TMEM132D: variants seen among roughly 807,000 people sequenced by gnomAD.
The protein encoded by TMEM132D is transmembrane protein 132D, also known as mature OL transmembrane protein.
Under a neutral mutation model 62.3 loss-of-function variants are expected in TMEM132D, and 21 were observed. The observed-to-expected ratio is 0.34, with a 90% CI of 0.24 to 0.49. TMEM132D has a LOEUF of 0.49. TMEM132D is among the 20% of genes least tolerant of loss of function. TMEM132D has a pLI of 0.99. For missense variants in TMEM132D, 1,346 were observed against 1,402.8 expected, an observed-to-expected ratio of 0.96 and a Z score of 0.65; for synonymous variants, 621 against 575.6, an observed-to-expected ratio of 1.08 and a Z score of -1.13.
At chr12:129,347,657 C>T (rs1343907906) in intron 3 of TMEM132D, among the ~76,000 whole-genome samples, 1 of 152,192 alleles carries the variant, frequency 6.6e-6, no homozygotes, top group African/African-American at 2.4e-5. Context: ...TAGGCAAAGA[C>T]TTCATGACTA....
At chr12:129,386,116 C>A (rs549046605) in intron 3 of TMEM132D, among the ~76,000 whole-genome samples, 2 of 152,248 alleles carry the variant, frequency 1.3e-5, no homozygotes, top group South Asian at 4.2e-4. Context: ...GCAGCATACA[C>A]CCTTGATCTC....
intron 3 of TMEM132D, among the ~76,000 whole-genome samples, chr12:129,444,589 T>C (rs149561393): frequency 1.8e-4 from 27 of 152,296 alleles, no homozygotes; most frequent in African/African-American, 6.5e-4. Flanking sequence ...ATGCATTAGC[T>C]ATTTTTCCTG....
rs150550863 is a variant in TMEM132D at position 129,605,604 on chromosome 12, T to TATATATATATATACACAC, written c.969-74400_969-74399insGTGTGTATATATATATAT. Among the ~76,000 whole-genome samples the TATATATATATATACACAC allele has an allele frequency of 8.5e-5, 9 of 106,272 alleles. 1 individual carries two copies. Among genetic ancestry groups the TATATATATATATACACAC allele is most frequent in the African/African-American group, 3.5e-4 (9 of 25,732 alleles). The allele number at this position is 106,272 out of a possible 152,430, so 69.7% of individuals were successfully genotyped here. ...ATTAGGCATTATATATATATATATA[T>TATATATATATATACACAC]ACACACACATATATATATACACACA... On this transcript the variant is annotated intron_variant, in intron 2 of 8. Coordinates refer to ENST00000422113, the MANE Select transcript of TMEM132D (RefSeq NM_133448.3).
chr12:129,481,833 C>T (rs985468221), intron 3 of TMEM132D, among the ~76,000 whole-genome samples: 3 of 152,140 alleles, frequency 2.0e-5, no homozygotes, highest in Admixed American at 6.5e-5. Flanking sequence ...GAATCAGGCA[C>T]CCCCTATTCA....
At chr12:129,127,211 A>G (rs1327419190) in intron 5 of TMEM132D, among the ~76,000 whole-genome samples, 1 of 152,178 alleles carries the variant, frequency 6.6e-6, no homozygotes, top group Non-Finnish European at 1.5e-5. Flanking sequence ...GTTTTTTTCA[A>G]TCACTCATAG....
At chr12:129,592,717 CAAAGT>C (rs777294669) in intron 2 of TMEM132D, among the ~76,000 whole-genome samples, 16 of 152,104 alleles carry the variant, frequency 1.1e-4, no homozygotes, top group Non-Finnish European at 2.2e-4. Context: ...TTCATGGACT[CAAAGT>C]AAGATGCAAA....
At chr12:129,191,700 C>A (rs971775233) in intron 5 of TMEM132D, among the ~76,000 whole-genome samples, 1 of 151,504 alleles carries the variant, frequency 6.6e-6, no homozygotes, top group East Asian at 2.0e-4. Flanking sequence ...TTTTTCTTCT[C>A]TAAAGAGGAA....
At chr12:129,862,316 C>T (rs756197497) in intron 1 of TMEM132D, among the ~76,000 whole-genome samples, 10 of 152,206 alleles carry the variant, frequency 6.6e-5, no homozygotes, top group Non-Finnish European at 1.3e-4. Context: ...CCTCAAACTT[C>T]GGGAAATTAA....
At chr12:129,578,147 T>A (rs1348486001) in intron 2 of TMEM132D, among the ~76,000 whole-genome samples, 1 of 152,096 alleles carries the variant, frequency 6.6e-6, no homozygotes, top group African/African-American at 2.4e-5. Context: ...GACCGGTGCA[T>A]CCTCTTCTCC....
At chr12:129,264,375 C>T (rs115565804) in intron 4 of TMEM132D, among the ~76,000 whole-genome samples, 298 of 152,014 alleles carry the variant, frequency 2.0e-3, no homozygotes, top group African/African-American at 6.8e-3. Flanking sequence ...GGCGACAGAG[C>T]GAAATCCTGT....
At chr12:129,631,443 A>G (rs963695660) in intron 2 of TMEM132D, among the ~76,000 whole-genome samples, 6 of 152,208 alleles carry the variant, frequency 3.9e-5, no homozygotes. Flanking sequence ...AACCTCCAAA[A>G]CAACAGAGGA....
At chr12:129,896,300 T>C (rs1046575142) in intron 1 of TMEM132D, among the ~76,000 whole-genome samples, 43 of 152,128 alleles carry the variant, frequency 2.8e-4, no homozygotes, top group African/African-American at 1.0e-3. Flanking sequence ...GACTTTCCTG[T>C]CTCGTGCCTT....
At chr12:129,197,559 G>A (rs1220404907) in intron 5 of TMEM132D, among the ~76,000 whole-genome samples, 2 of 152,132 alleles carry the variant, frequency 1.3e-5, no homozygotes, top group African/African-American at 4.8e-5. Context: ...CAGTCTCTTC[G>A]ATAAATGGCA....
At chr12:129,232,850 C>T (rs2135579619) in intron 4 of TMEM132D, among the ~76,000 whole-genome samples, 1 of 150,374 alleles carries the variant, frequency 6.7e-6, no homozygotes, top group East Asian at 2.0e-4. Context: ...AGAGAGAGAG[C>T]ACAAAGGAGG....
intron 2 of TMEM132D, among the ~76,000 whole-genome samples, chr12:129,545,307 A>G (rs868603382): frequency 6.6e-6 from 1 of 152,318 alleles, no homozygotes; most frequent in Middle Eastern, 3.4e-3. Flanking sequence ...TCCTGAAGCA[A>G]GATCTATGCC....
chr12:129,703,882 A>C (rs1348600598), intron 1 of TMEM132D, among the ~76,000 whole-genome samples: 1 of 150,930 alleles, frequency 6.6e-6, no homozygotes, highest in Non-Finnish European at 1.5e-5. Context: ...GTTTTCCCCT[A>C]TGTGGACTCA....
intron 1 of TMEM132D, among the ~76,000 whole-genome samples, chr12:129,762,989 C>T (rs192187817): frequency 7.4e-4 from 112 of 152,326 alleles, no homozygotes; most frequent in Admixed American, 2.2e-3. Flanking sequence ...CGCTCCACGG[C>T]ACCTTTTCTA....
At chr12:129,245,138 AG>A (rs1880060246) in intron 4 of TMEM132D, among the ~76,000 whole-genome samples, 1 of 152,214 alleles carries the variant, frequency 6.6e-6, no homozygotes, top group Admixed American at 6.5e-5. Context: ...CACAAAGCAT[AG>A]TATCATGTAT....
chr12:129,866,057 C>G (rs1372132320), intron 1 of TMEM132D, among the ~76,000 whole-genome samples: 3 of 152,102 alleles, frequency 2.0e-5, no homozygotes, highest in Admixed American at 6.5e-5. Context: ...ACTCCACACC[C>G]CCTGGGTTTA....
Sources: allele counts gnomAD v4.1 joint callset (sites outside exome capture counted in the v4.1 genomes callset), GRCh38; gene constraint gnomAD v4.1.1; transcripts MANE v1.5; gene names NCBI Gene and HGNC (gene_info 2026-07-23, HGNC 2026-07-21).